STAC: variants seen among roughly 807,000 people sequenced by gnomAD.
STAC encodes the protein SH3 and cysteine rich domain.
A neutral mutation model predicts 48.8 loss-of-function variants in STAC; 43 were observed. The observed-to-expected ratio is 0.88, with a 90% CI of 0.69 to 1.14. The LOEUF (loss-of-function observed/expected upper bound fraction) is 1.14. Ranked by LOEUF, STAC falls within the 50% of genes most tolerant of loss-of-function variation. The probability of loss-of-function intolerance (pLI) is 0.00; values close to 1 mark genes in which losing one functional copy is unlikely to be tolerated. For missense variants in STAC, 497 were observed against 504.0 expected (o/e 0.99, Z 0.13); for synonymous variants, 193 against 179.5 (o/e 1.07, Z -0.60).
intron 10 of STAC, among the ~76,000 whole-genome samples, chr3:36,537,776 G>A (rs1401401742): frequency 6.6e-6 from 1 of 151,424 alleles, no homozygotes; most frequent in African/African-American, 2.4e-5. Flanking sequence ...AAAATACTTA[G>A]GAAAATTAAC....
chr3:36,505,063 A>T (rs191048685), intron 7 of STAC, among the ~76,000 whole-genome samples: 79 of 152,258 alleles, frequency 5.2e-4, no homozygotes, highest in African/African-American at 1.9e-3. Flanking sequence ...GTCTTTTATC[A>T]TCTGTAAATT....
chr3:36,458,157 T>G (rs1696903352), intron 2 of STAC, among the ~76,000 whole-genome samples: 1 of 152,116 alleles, frequency 6.6e-6, no homozygotes, highest in Admixed American at 6.5e-5. Context: ...AAGTCACTGC[T>G]GAATTACTAT....
At chr3:36,491,656 G>T (rs962307032) in intron 5 of STAC, among the ~76,000 whole-genome samples, 15 of 151,976 alleles carry the variant, frequency 9.9e-5, no homozygotes, top group African/African-American at 3.4e-4. Flanking sequence ...TCTAGAGCTG[G>T]CTAGGAGAGC....
At chr3:36,542,923 T>G (rs1245386843) in intron 10 of STAC, among the ~76,000 whole-genome samples, 1 of 152,190 alleles carries the variant, frequency 6.6e-6, no homozygotes, top group African/African-American at 2.4e-5. Flanking sequence ...AAAGAGTTGT[T>G]GAATGAGTGA....
intron 8 of STAC, among the ~76,000 whole-genome samples, chr3:36,525,788 G>GAAACTGTGACT: frequency 6.6e-6 from 1 of 152,032 alleles, no homozygotes; most frequent in East Asian, 1.9e-4. Flanking sequence ...GCATCAGCAT[G>GAAACTGTGACT]AAACTGTGAC....
intron 8 of STAC, among the ~76,000 whole-genome samples, chr3:36,510,174 A>G (rs371670329): frequency 1.8e-4 from 28 of 152,342 alleles, no homozygotes; most frequent in Admixed American, 5.9e-4. Flanking sequence ...AAAAGAAGAC[A>G]TTTATGCAGC....
intron 2 of STAC, among the ~76,000 whole-genome samples, chr3:36,455,938 G>T (rs1359471569): frequency 1.3e-5 from 2 of 152,178 alleles, no homozygotes; most frequent in Non-Finnish European, 2.9e-5. Flanking sequence ...GTTAAGCATA[G>T]CTTGGGAAGA....
At chr3:36,406,956 G>T (rs1170719374) in intron 1 of STAC, among the ~76,000 whole-genome samples, 1 of 152,134 alleles carries the variant, frequency 6.6e-6, no homozygotes. Flanking sequence ...TTTCATTCTT[G>T]GCTCTGCCAC....
intron 7 of STAC, among the ~76,000 whole-genome samples, chr3:36,504,997 C>T (rs758608676): frequency 3.9e-5 from 6 of 152,056 alleles, no homozygotes; most frequent in Non-Finnish European, 5.9e-5. Context: ...GTTTTTATAG[C>T]ATTAACATTT....
At chr3:36,431,317 C>T (rs1700698441) in intron 1 of STAC, among the ~76,000 whole-genome samples, 1 of 152,218 alleles carries the variant, frequency 6.6e-6, no homozygotes, top group African/African-American at 2.4e-5. Flanking sequence ...TGTACACTTT[C>T]TCCCCACTGT....
At chr3:36,535,153 C>G (rs886898896) in intron 10 of STAC, among the ~76,000 whole-genome samples, 1 of 152,124 alleles carries the variant, frequency 6.6e-6, no homozygotes, top group African/African-American at 2.4e-5. Flanking sequence ...CTTCCTTGAG[C>G]AGTGGTTTGT....
chr3:36,526,137 A>T (rs1476798789), intron 8 of STAC, among the ~76,000 whole-genome samples: 1 of 152,230 alleles, frequency 6.6e-6, no homozygotes, highest in East Asian at 1.9e-4. Context: ...TACTCAGGAC[A>T]AAACAGCTAT....
chr3:36,483,138 C>A (rs770740352), intron 3 of STAC, 46 bp downstream of exon 3: 2 of 1,432,970 alleles, frequency 1.4e-6, no homozygotes, highest in Non-Finnish European at 2.0e-6. Context: ...TCTGCTAGGG[C>A]ACTTGCCTGC....
chr3:36,483,980 G>A (rs1426540778), intron 3 of STAC, among the ~76,000 whole-genome samples: 2 of 152,244 alleles, frequency 1.3e-5, no homozygotes, highest in East Asian at 1.9e-4. Context: ...AATCCAGAGC[G>A]CATTTGAGGG....
intron 8 of STAC, among the ~76,000 whole-genome samples, chr3:36,514,622 A>G (rs545347768): frequency 1.3e-5 from 2 of 152,330 alleles, no homozygotes; most frequent in African/African-American, 4.8e-5. Context: ...CTTGAAACAT[A>G]GTAGATGCAT....
chr3:36,426,544 T>C (rs1700568288), intron 1 of STAC, among the ~76,000 whole-genome samples: 1 of 152,266 alleles, frequency 6.6e-6, no homozygotes, highest in Non-Finnish European at 1.5e-5. Flanking sequence ...GTATTCTGCA[T>C]ATAAATTGTT....
At chr3:36,493,940 G>A (rs1698063054) in intron 6 of STAC, among the ~76,000 whole-genome samples, 1 of 151,570 alleles carries the variant, frequency 6.6e-6, no homozygotes, top group Non-Finnish European at 1.5e-5. Context: ...CACGAGGTCA[G>A]GAGATCGAGA....
At chr3:36,460,369 C>T (rs180999802) in intron 2 of STAC, among the ~76,000 whole-genome samples, 6 of 152,006 alleles carry the variant, frequency 3.9e-5, no homozygotes, top group African/African-American at 7.3e-5. Flanking sequence ...TTCAGATAAA[C>T]GACAAATTTT....
intron 2 of STAC, among the ~76,000 whole-genome samples, chr3:36,466,829 G>A (rs146515773): frequency 4.1e-4 from 62 of 151,928 alleles, no homozygotes; most frequent in Non-Finnish European, 5.3e-4. Flanking sequence ...TGATTTGGAT[G>A]CCCTTTATTT....
Sources: allele counts gnomAD v4.1 joint callset (sites outside exome capture counted in the v4.1 genomes callset), GRCh38; gene constraint gnomAD v4.1.1; transcripts MANE v1.5; gene names NCBI Gene and HGNC (gene_info 2026-07-23, HGNC 2026-07-21).